EFCAB5: variants seen among roughly 807,000 people sequenced by gnomAD.
EFCAB5 encodes EF-hand calcium binding domain 5, also known as EF-hand calcium-binding domain-containing protein 5.
In EFCAB5, 131 loss-of-function variants were observed where a neutral mutation model predicts 167.9. The ratio of observed to expected loss-of-function variants is 0.78; its 90% CI spans 0.68 to 0.90. The LOEUF (loss-of-function observed/expected upper bound fraction) is 0.90, where lower values mean the gene tolerates loss of function less well. Ranked by LOEUF, EFCAB5 falls within the 40% of genes least tolerant of loss-of-function variation. The pLI is 0.00. For synonymous variants in EFCAB5, 574 were observed against 602.8 expected (o/e 0.95, Z 0.70); for missense variants, 1,663 against 1,745.2 (o/e 0.95, Z 0.84).
chr17:29,940,975 G>A (rs2067290580), upstream of EFCAB5, among the ~76,000 whole-genome samples: 1 of 151,946 alleles, frequency 6.6e-6, no homozygotes, highest in Non-Finnish European at 1.5e-5. Context: ...AGGAGGCGGA[G>A]GTTGCAGTGA....
In EFCAB5 at chr17:30,088,931, CT is replaced by C. The variant is rs777943522; in HGVS notation, c.3684-1481del. ...ATACCCAGACTCATAGCCCTGGATT[CT>C]TTTTTTTTATGTATTTTTTAAATTA... On this transcript the variant is annotated intron_variant, in intron 19 of 22. Coordinates refer to ENST00000394835, the MANE Select transcript of EFCAB5 (RefSeq NM_198529.4). Among the ~76,000 whole-genome samples, 84 of 151,536 alleles carry C rather than the reference CT, an allele frequency of 5.5e-4. No homozygotes were observed. The East Asian group carries it at 0.015, about 27-fold the overall frequency.
chr17:30,104,574 A>G (rs2071422725), intron 22 of EFCAB5, among the ~76,000 whole-genome samples: 1 of 151,822 alleles, frequency 6.6e-6, no homozygotes, highest in African/African-American at 2.4e-5. Flanking sequence ...CGTTATTTCT[A>G]TGGTTATAAA....
intron 7 of EFCAB5, among the ~76,000 whole-genome samples, chr17:30,012,232 G>A (rs1235437478): frequency 6.6e-6 from 1 of 152,094 alleles, no homozygotes; most frequent in Non-Finnish European, 1.5e-5. Flanking sequence ...CTTTCCCAGG[G>A]GGAGTTTGGA....
intron 4 of EFCAB5, among the ~76,000 whole-genome samples, chr17:29,979,371 G>A (rs2068126138): frequency 6.6e-6 from 1 of 152,042 alleles, no homozygotes; most frequent in African/African-American, 2.4e-5. Context: ...TCACCATTGA[G>A]GCCAGCTGTA....
At position 30,090,464 on chromosome 17, in the gene EFCAB5, G is replaced by C. The variant is rs578193515; in HGVS notation, c.3727G>C (p.Ala1243Pro). The change falls in exon 20 of 23, where the codon GCT (alanine) becomes CCT (proline). Residue 1243 changes from alanine (A) to proline (P), a missense_variant. By Grantham distance (27) the Ala-to-Pro change is conservative. Transcript: ENST00000394835. ...KCTDSSEVVL[A>P]SACGETHIVV... ...TACTGACAGTTCAGAAGTTGTTCTG[G>C]CTTCTGCCTGTGGAGAAACGCATAT... 6.2e-7 allele frequency: 1 copy of C among 1,613,982 alleles called. No homozygotes were observed. Among genetic ancestry groups the C allele is most frequent in the Non-Finnish European group, 8.5e-7 (1 of 1,179,878 alleles).
At position 30,044,695 on chromosome 17, in the gene EFCAB5, C is replaced by T. The variant is rs546282949; in HGVS notation, c.1201-6423C>T. On this transcript the variant is annotated intron_variant, in intron 8 of 22. Transcript: ENST00000394835. ...TCTTAGATTGCTGGTAGGAATGATA[C>T]AACCACTTCAAAAACAGTTTGACAA... 6.6e-5 allele frequency among the ~76,000 whole-genome samples: 10 copies of T among 152,190 alleles called. 1 individual carries two copies. The South Asian group carries it at 2.1e-3, about 32-fold the overall frequency.
At chr17:30,003,212 G>C (rs2068701911) in intron 7 of EFCAB5, among the ~76,000 whole-genome samples, 1 of 151,416 alleles carries the variant, frequency 6.6e-6, no homozygotes, top group South Asian at 2.1e-4. Context: ...CCCATACCTT[G>C]AGCTTTTTAT....
At chr17:29,970,618 A>T (rs970069051) in intron 4 of EFCAB5, among the ~76,000 whole-genome samples, 43 of 149,380 alleles carry the variant, frequency 2.9e-4, no homozygotes, top group African/African-American at 7.6e-4. Context: ...TACCAGAGCG[A>T]GATCCAGTCT....
chr17:30,095,994 G>A (rs2071281260), intron 22 of EFCAB5, among the ~76,000 whole-genome samples: 1 of 152,212 alleles, frequency 6.6e-6, no homozygotes, highest in South Asian at 2.1e-4. Context: ...GGCCATGGAG[G>A]AGGAGATATC....
intron 8 of EFCAB5, among the ~76,000 whole-genome samples, chr17:30,046,503 G>T (rs1289695766): frequency 1.3e-5 from 2 of 152,154 alleles, no homozygotes; most frequent in Non-Finnish European, 2.9e-5. Flanking sequence ...TGTAGCTTCA[G>T]GGCAGATACG....
chr17:30,090,275 A>G (rs185176954), intron 19 of EFCAB5, 146 bp from the exon 20 acceptor site: 2 of 1,027,986 alleles, frequency 1.9e-6, no homozygotes, highest in East Asian at 5.2e-5. Flanking sequence ...ATCAAGGGCT[A>G]GAATGCTCCA....
chr17:30,078,356 T>A lies in EFCAB5; in HGVS notation c.2879T>A (p.Phe960Tyr), dbSNP rs768714574. The A allele has an allele frequency of 1.2e-6, 2 of 1,613,998 alleles. No homozygotes were observed. Among genetic ancestry groups the A allele is most frequent in the Admixed American group, 3.3e-5 (2 of 60,024 alleles). ...CAAGTTCTGGAAAGTGTTGTGGAATTTCTGATGAATGCTTTAGAGAGGAGC... is the reference window on the plus strand; with the variant it reads ...CAAGTTCTGGAAAGTGTTGTGGAATATCTGATGAATGCTTTAGAGAGGAGC... Reference protein sequence around the residue: ...EDQVLESVVEFLMNALERSHI... With the variant: ...EDQVLESVVEYLMNALERSHI... Residue 960 changes from phenylalanine (F) to tyrosine (Y), a missense_variant, in exon 15 of 23, where the codon TTT becomes TAT. Phe to Tyr is a conservative substitution (Grantham distance 22, BLOSUM62 3). Transcript: ENST00000394835.
chr17:29,989,679 T>C (rs2068370063), intron 4 of EFCAB5, among the ~76,000 whole-genome samples: 1 of 152,230 alleles, frequency 6.6e-6, no homozygotes, highest in Non-Finnish European at 1.5e-5. Context: ...GATTTTTTCT[T>C]AATTATGAAA....
chr17:30,096,677 A>ATATATATATATTT (rs1193558323), intron 22 of EFCAB5, among the ~76,000 whole-genome samples: 6 of 60,124 alleles, frequency 1.0e-4, no homozygotes, highest in African/African-American at 5.0e-4. Flanking sequence ...ATATATATAT[A>ATATATATATATTT]TTTTTTTTTT....
In EFCAB5 at chr17:30,012,031, T is replaced by A. The variant is rs535165161; in HGVS notation, c.1044+12055T>A. Among the ~76,000 whole-genome samples, 78 of 152,208 alleles carry A rather than the reference T, an allele frequency of 5.1e-4. 1 individual carries two copies. In the South Asian group the frequency reaches 0.011, roughly 22 times the overall value. ...AGAGATAGGAGCTGAGGGGACATAG[T>A]GAGGAGTGACCAGAAGACAAGAGTG... On this transcript the variant is annotated intron_variant, in intron 7 of 22. Transcript: ENST00000394835.
At chr17:30,047,255 T>A (rs2069953341) in intron 8 of EFCAB5, among the ~76,000 whole-genome samples, 1 of 152,300 alleles carries the variant, frequency 6.6e-6, no homozygotes, top group South Asian at 2.1e-4. Flanking sequence ...CTGAAATTGA[T>A]TTTTCATATG....
intron 4 of EFCAB5, among the ~76,000 whole-genome samples, chr17:29,978,450 C>T (rs1027385893): frequency 1.3e-5 from 2 of 152,212 alleles, no homozygotes; most frequent in Non-Finnish European, 1.5e-5. Context: ...CTAAACCTTA[C>T]TCTGTTGAGT....
At chr17:30,024,727 T>A (rs1317228374) in intron 7 of EFCAB5, among the ~76,000 whole-genome samples, 1 of 151,882 alleles carries the variant, frequency 6.6e-6, no homozygotes, top group Non-Finnish European at 1.5e-5. Flanking sequence ...CATCGCCAAG[T>A]CAATCCTAAG....
Position 30,107,514 on chromosome 17 carries a change from C to A in EFCAB5, c.4322-320C>A, listed in dbSNP as rs117688680. On this transcript the variant is annotated intron_variant, in intron 22 of 22. Coordinates refer to ENST00000394835, the MANE Select transcript of EFCAB5 (RefSeq NM_198529.4). ...TAATGAATCCATAAATAATATAATA[C>A]TATCTTGCAGGTTTTAAAGCCGTTT... Among the ~76,000 whole-genome samples the A allele has an allele frequency of 7.1e-3, 1,088 of 152,250 alleles. 10 individuals carry two copies. The highest frequency in any genetic ancestry group is 0.023 in the African/African-American group (945 of 41,552).
Sources: gnomAD v4.1 joint callset for allele counts (sites outside exome capture counted in the v4.1 genomes callset) on GRCh38, gnomAD v4.1.1 for gene constraint, MANE v1.5 for transcripts, NCBI Gene and HGNC (gene_info 2026-07-23, HGNC 2026-07-21) for gene names.